Variants in RING1 observed in about 807,000 individuals in gnomAD.
RING1 encodes the protein ring finger protein 1.
RING1 carries 8 observed loss-of-function variants against 35.0 expected under a neutral mutation model. The observed-to-expected ratio is 0.23, with a 90% CI of 0.13 to 0.41. The LOEUF is 0.41. Among genes scored for constraint, RING1 ranks in the 10% least tolerant of loss-of-function variants. RING1 has a pLI of 1.00. For missense variants in RING1, 343 were observed against 546.8 expected (o/e 0.63, Z 3.72); for synonymous variants, 214 against 224.3 (o/e 0.95, Z 0.41).
rs1218097201 is a variant in RING1, at chr6:33,211,160, C to A, written c.458C>A (p.Ala153Asp). ...EGLRMQAMHRAQRVRRPIPGS... is the reference protein window; with the variant it reads ...EGLRMQAMHRDQRVRRPIPGS... ...ACCTTAACCACTTGCTTCTACAGGG[C>A]CCAGCGTGTGAGGCGGCCGATACCA... The change falls in exon 5 of 7, where the codon GCC (alanine) becomes GAC (aspartate). Residue 153 changes from alanine to aspartate, a missense_variant and splice_region_variant. Physicochemically the swap from Ala to Asp is moderately radical, Grantham distance 126. Coordinates refer to ENST00000374656, the MANE Select transcript of RING1 (RefSeq NM_002931.4). This position sits in a 1 kb window ranked among gnomAD's most constrained non-coding sequence, Gnocchi z 6.3. The A allele has an allele frequency of 6.3e-7, 1 of 1,595,278 alleles. No individual in the cohort carries two copies. Among genetic ancestry groups the A allele is most frequent in the Non-Finnish European group, 8.6e-7 (1 of 1,167,452 alleles).
rs1255724357 is a variant in RING1 at position 33,211,352 on chromosome 6, G to T, written c.650G>T (p.Gly217Val). ...GGGGGGAGCAGTGTAGGGACAGGGG[G>T]AGGCGGCACTGGTGGGGTGGGTGGG... Reference protein sequence around the residue: ...GAGGSSVGTGGGGTGGVGGGA... With the variant: ...GAGGSSVGTGVGGTGGVGGGA... The change falls in exon 5 of 7, where the codon GGA (glycine) becomes GTA (valine). Residue 217 changes from glycine to valine, a missense_variant. Gly to Val is a moderately radical substitution (Grantham distance 109, BLOSUM62 -3). Around this residue, in one of 2 missense-constraint regions of RING1, gnomAD observed 278 missense variants for 383.5 expected, o/e 0.72. Coordinates refer to ENST00000374656, the MANE Select transcript of RING1 (RefSeq NM_002931.4). This position sits in a 1 kb window ranked among gnomAD's most constrained non-coding sequence, Gnocchi z 6.3. 1.3e-6 allele frequency: 2 copies of T among 1,587,348 alleles called. No homozygotes were observed. The highest frequency in any genetic ancestry group is 1.3e-5 in the African/African-American group (1 of 74,326).
chr6:33,208,641 C>T lies in RING1; in HGVS notation c.-62C>T. On this transcript the variant is annotated 5_prime_UTR_variant, in exon 1 of 7. Coordinates refer to ENST00000374656, the MANE Select transcript of RING1 (RefSeq NM_002931.4). This position sits in a 1 kb window ranked among gnomAD's most constrained non-coding sequence, Gnocchi z 6.2. ...GCGGCGGGAGCGCGAACGGCTGGAG[C>T]TGGGTGAGGGGCAGTGCCGGCGCGG... 1.8e-6 allele frequency: 1 copy of T among 559,138 alleles called. No individual in the cohort carries two copies. 34.6% of individuals were successfully genotyped at this position (559,138 alleles called of 1,614,324 possible).
chr6:33,212,159 T>C (rs1775591967), intron 6 of RING1, 139 bp from the exon 7 acceptor site: 1 of 870,906 alleles, frequency 1.1e-6, no homozygotes, highest in African/African-American at 1.7e-5. Flanking sequence ...ATCCATGTCC[T>C]TTTTTGCCTT....
At position 33,211,242 on chromosome 6, in the gene RING1, AGG is replaced by A; in HGVS notation, c.543_544del (p.Asp182TrpfsTer11). On this transcript the variant is annotated frameshift_variant, in exon 5 of 7. Coordinates refer to ENST00000374656, the MANE Select transcript of RING1 (RefSeq NM_002931.4). LOFTEE classifies it high-confidence loss of function. This position sits in a 1 kb window ranked among gnomAD's most constrained non-coding sequence, Gnocchi z 6.3. Reference sequence around the variant, plus strand: ...GGGAAGGAGAGCCCGGGGAGGGAGAAGGGGATGGAGAAGATGTGAGCTCAGAC... The same window carrying A: ...GGGAAGGAGAGCCCGGGGAGGGAGAAGGATGGAGAAGATGTGAGCTCAGAC... ...GGEGEPGEGE[G>X]DGEDVSSDSA... is the part of the protein sequence containing the mutation. 1 of 1,612,588 alleles carries A rather than the reference AGG, an allele frequency of 6.2e-7. No individual in the cohort carries two copies. The highest frequency in any genetic ancestry group is 8.5e-7 in the Non-Finnish European group (1 of 1,179,916).
Position 33,212,567 on chromosome 6 carries a change from A to T in RING1, c.*168A>T. 3.5e-6 allele frequency: 2 copies of T among 579,548 alleles called. No homozygotes were observed. The highest frequency in any genetic ancestry group is 5.6e-5 in the East Asian group (2 of 35,596). The allele number at this position is 579,548 out of a possible 1,614,324, so 35.9% of individuals were successfully genotyped here. A position where few individuals can be genotyped will look rare whatever the true frequency, so the allele number is the denominator to read the frequency against. On this transcript the variant is annotated 3_prime_UTR_variant, in exon 7 of 7. Coordinates refer to ENST00000374656, the MANE Select transcript of RING1 (RefSeq NM_002931.4). Reference sequence around the variant, plus strand: ...AAGTATCTATATGAGATTCTTCTATATTGTACAGAGTGGGGCAAAACACGC... The same window carrying T: ...AAGTATCTATATGAGATTCTTCTATTTTGTACAGAGTGGGGCAAAACACGC...
At position 33,208,611 on chromosome 6, in the gene RING1, C is replaced by T; in HGVS notation, c.-92C>T. 5.8e-6 allele frequency: 3 copies of T among 518,164 alleles called. No homozygotes were observed. The highest frequency in any genetic ancestry group is 6.7e-6 in the Non-Finnish European group (2 of 297,848). 32.1% of individuals were successfully genotyped at this position (518,164 alleles called of 1,614,324 possible). On this transcript the variant is annotated 5_prime_UTR_variant, in exon 1 of 7. Transcript: ENST00000374656. This position sits in a 1 kb window ranked among gnomAD's most constrained non-coding sequence, Gnocchi z 6.2. Reference sequence around the variant, plus strand: ...AGGAGCCCGGGCCTAGGGAGAGGCGCGGCGGCGGCGGGAGCGCGAACGGCT... The same window carrying T: ...AGGAGCCCGGGCCTAGGGAGAGGCGTGGCGGCGGCGGGAGCGCGAACGGCT...
Position 33,211,083 on chromosome 6 carries a change from T to A in RING1, c.456-75T>A. The A allele has an allele frequency of 6.8e-7, 1 of 1,464,594 alleles. No individual in the cohort carries two copies. Among genetic ancestry groups the A allele is most frequent in the Non-Finnish European group, 9.1e-7 (1 of 1,094,324 alleles). 90.7% of individuals were successfully genotyped at this position (1,464,594 alleles called of 1,614,324 possible). A position where few individuals can be genotyped will look rare whatever the true frequency, so the allele number is the denominator to read the frequency against. ...TATCGTCATTAGGATTTTTCTTATCTCTTAATTCTCTGAAGTTTAAAGTCT... is the reference window on the plus strand; with the variant it reads ...TATCGTCATTAGGATTTTTCTTATCACTTAATTCTCTGAAGTTTAAAGTCT... On this transcript the variant is annotated intron_variant, in intron 4 of 6. Coordinates refer to ENST00000374656, the MANE Select transcript of RING1 (RefSeq NM_002931.4). The surrounding 1 kb of genome is among the most constrained non-coding windows in gnomAD (Gnocchi z 6.3).
chr6:33,212,486 C>A lies in RING1; in HGVS notation c.*87C>A. 1.2e-6 allele frequency: 1 copy of A among 842,612 alleles called. No homozygotes were observed. The allele number at this position is 842,612 out of a possible 1,614,324, so 52.2% of individuals were successfully genotyped here. On this transcript the variant is annotated 3_prime_UTR_variant, in exon 7 of 7. Transcript: ENST00000374656. The stretch of plus-strand genomic sequence containing the variant: ...CCCCAGCTTCTTTGTCCCCCAGTAC[C>A]CCCAGCCCAGCCAGCCAATAAGAGG...
rs759467758 is a variant in RING1 at position 33,211,699 on chromosome 6, G to A, written c.846-30G>A. On this transcript the variant is annotated intron_variant, in intron 5 of 6. Coordinates refer to ENST00000374656, the MANE Select transcript of RING1 (RefSeq NM_002931.4). The surrounding 1 kb of genome is among the most constrained non-coding windows in gnomAD (Gnocchi z 6.3). ...TCCAGTCCTCATCTGAGGCGCTCTG[G>A]CTCTAAGCCTGTCCTCCCTCCCATT... The A allele has an allele frequency of 9.1e-6, 14 of 1,533,530 alleles. No individual in the cohort carries two copies. In the East Asian group the frequency reaches 2.7e-4, roughly 30 times the overall value. 95.0% of individuals were successfully genotyped at this position (1,533,530 alleles called of 1,614,324 possible).
chr6:33,212,099 T>C, intron 6 of RING1, 97 bp downstream of exon 6: 3 of 1,002,274 alleles, frequency 3.0e-6, no homozygotes, highest in Non-Finnish European at 4.4e-6. Context: ...ATCAGCACTC[T>C]TCCCCTATAC....
Position 33,208,772 on chromosome 6 carries a change from C to T in RING1, c.-51C>T. ...CCTTCCCCCCACCCCCAGCCTTCTT[C>T]GCCTTCTCCTCGGCTGTGGAGCCCT... On this transcript the variant is annotated 5_prime_UTR_variant, in exon 2 of 7. Coordinates refer to ENST00000374656, the MANE Select transcript of RING1 (RefSeq NM_002931.4). The surrounding 1 kb of genome is among the most constrained non-coding windows in gnomAD (Gnocchi z 6.2). 7.0e-7 allele frequency: 1 copy of T among 1,430,648 alleles called. No homozygotes were observed. Among genetic ancestry groups the T allele is most frequent in the South Asian group, 1.4e-5 (1 of 73,258 alleles). 88.6% of individuals were successfully genotyped at this position (1,430,648 alleles called of 1,614,324 possible).
At position 33,211,212 on chromosome 6, in the gene RING1, T is replaced by TG. The variant is rs761874510; in HGVS notation, c.517dup (p.Glu173GlyfsTer21). The TG allele has an allele frequency of 6.2e-7, 1 of 1,610,890 alleles. No homozygotes were observed. Among genetic ancestry groups the TG allele is most frequent in the Non-Finnish European group, 8.5e-7 (1 of 1,179,378 alleles). ...GGTCAGATCAGACCACAACGATGAG[T>TG]GGGGGGGAAGGAGAGCCCGGGGAGG... On this transcript the variant is annotated frameshift_variant, in exon 5 of 7. Transcript: ENST00000374656. LOFTEE classifies it high-confidence loss of function. The surrounding 1 kb of genome is among the most constrained non-coding windows in gnomAD (Gnocchi z 6.3).
chr6:33,212,553 TG>T lies in RING1; in HGVS notation c.*155del, dbSNP rs1562457511. 3 of 607,864 alleles carry T rather than the reference TG, an allele frequency of 4.9e-6. No individual in the cohort carries two copies. The highest frequency in any genetic ancestry group is 8.8e-6 in the Non-Finnish European group (3 of 339,706). 37.7% of individuals were successfully genotyped at this position (607,864 alleles called of 1,614,324 possible). A position where few individuals can be genotyped will look rare whatever the true frequency, so the allele number is the denominator to read the frequency against. ...GTGGCTTTTATACAAAGTATCTATA[TG>T]AGATTCTTCTATATTGTACAGAGTG... is the stretch of plus-strand genomic sequence containing the variant. On this transcript the variant is annotated 3_prime_UTR_variant, in exon 7 of 7. Transcript: ENST00000374656.
chr6:33,211,565 T>C lies in RING1; in HGVS notation c.845+18T>C, dbSNP rs1178842427. ...CAGACGAGGTGAGGAGCCCTGTCTT[T>C]CCCCAGCCACTGAGAAACCAAAGAT... is the stretch of plus-strand genomic sequence containing the variant. On this transcript the variant is annotated intron_variant, in intron 5 of 6. Coordinates refer to ENST00000374656, the MANE Select transcript of RING1 (RefSeq NM_002931.4). This position sits in a 1 kb window ranked among gnomAD's most constrained non-coding sequence, Gnocchi z 6.3. The C allele has an allele frequency of 6.2e-7, 1 of 1,603,760 alleles. No individual in the cohort carries two copies.
Position 33,212,299 on chromosome 6 carries a change from C to T in RING1, c.1121C>T (p.Thr374Met), listed in dbSNP as rs1583460372. 1.3e-6 allele frequency: 2 copies of T among 1,576,690 alleles called. No homozygotes were observed. Among genetic ancestry groups the T allele is most frequent in the Non-Finnish European group, 1.7e-6 (2 of 1,159,952 alleles). ...YIAPGGGAFT[T>M]LNGSLTLELV... ...CTCTCCCTTTTACCCCCTCCTCAGA[C>T]GTTGAATGGCTCGCTGACCCTGGAG... The change falls in exon 7 of 7, where the codon ACG (threonine) becomes ATG (methionine). Residue 374 changes from threonine (T) to methionine (M), a missense_variant and splice_region_variant. Physicochemically the swap from Thr to Met is moderately conservative, Grantham distance 81. This residue lies in a region of RING1 where 278 missense variants were observed against 383.5 expected (regional missense o/e 0.72). Coordinates refer to ENST00000374656, the MANE Select transcript of RING1 (RefSeq NM_002931.4).
Position 33,208,812 on chromosome 6 carries a change from G to A in RING1, c.-11G>A. 2 of 1,596,598 alleles carry A rather than the reference G, an allele frequency of 1.3e-6. No homozygotes were observed. The highest frequency in any genetic ancestry group is 1.7e-6 in the Non-Finnish European group (2 of 1,169,214). On this transcript the variant is annotated 5_prime_UTR_variant, in exon 2 of 7. Transcript: ENST00000374656. This position sits in a 1 kb window ranked among gnomAD's most constrained non-coding sequence, Gnocchi z 6.2. ...TGTGGAGCCCTGGTGGGGGGTCTGC[G>A]CCCGGTCACCATGACGACGCCGGCG...
In RING1 at chr6:33,211,362, T is replaced by A; in HGVS notation, c.660T>A (p.Thr220=). Residue 220 remains threonine (T), a synonymous_variant, in exon 5 of 7, where the codon ACT becomes ACA. Transcript: ENST00000374656. The surrounding 1 kb of genome is among the most constrained non-coding windows in gnomAD (Gnocchi z 6.3). The part of the protein sequence containing the change: ...GSSVGTGGGG[T]GGVGGGAGSE... The stretch of plus-strand genomic sequence containing the variant: ...GTGTAGGGACAGGGGGAGGCGGCAC[T>A]GGTGGGGTGGGTGGGGGTGCCGGTT... 5 of 986,314 alleles carry A rather than the reference T, an allele frequency of 5.1e-6. No individual in the cohort carries two copies. The highest frequency in any genetic ancestry group is 6.7e-6 in the Non-Finnish European group (5 of 748,184). 61.1% of individuals were successfully genotyped at this position (986,314 alleles called of 1,614,324 possible). A position where few individuals can be genotyped will look rare whatever the true frequency, so the allele number is the denominator to read the frequency against.
In RING1 at chr6:33,211,667, C is replaced by T. The variant is rs115651908; in HGVS notation, c.846-62C>T. 7,268 of 1,538,534 alleles carry T rather than the reference C, an allele frequency of 4.7e-3. 127 individuals carry two copies. The Admixed American group carries it at 0.059, about 12-fold the overall frequency. ...CAACCCAGAATCCATTTTGGAAAGC[C>T]CCTACCTCCAGTCCTCATCTGAGGC... On this transcript the variant is annotated intron_variant, in intron 5 of 6. Coordinates refer to ENST00000374656, the MANE Select transcript of RING1 (RefSeq NM_002931.4). The surrounding 1 kb of genome is among the most constrained non-coding windows in gnomAD (Gnocchi z 6.3).
chr6:33,210,300 C>T lies in RING1; in HGVS notation c.455+170C>T, dbSNP rs368886108. ...TTCTTAGTAAACAACTGGCCCTGCT[C>T]TTCTTAAGAAAAATATAGGGCTGGG... On this transcript the variant is annotated intron_variant, in intron 4 of 6. Transcript: ENST00000374656. Among the ~76,000 whole-genome samples, 76 of 152,262 alleles carry T rather than the reference C, an allele frequency of 5.0e-4. 1 individual carries two copies. In the South Asian group the frequency reaches 7.3e-3, roughly 15 times the overall value.
Sources: gnomAD v4.1 joint callset for allele counts (sites outside exome capture counted in the v4.1 genomes callset) on GRCh38, gnomAD v4.1.1 for gene constraint, gnomAD v4.1.1 regional missense constraint, Gnocchi (gnomAD v3.1) non-coding constraint, MANE v1.5 for transcripts, NCBI Gene and HGNC (gene_info 2026-07-23, HGNC 2026-07-21) for gene names.